Variants in AFAP1 observed in about 807,000 individuals in gnomAD.
The protein encoded by AFAP1 is actin filament associated protein 1, also known as actin filament-associated protein 1.
Under a neutral mutation model 93.9 loss-of-function variants are expected in AFAP1, and 75 were observed. The ratio of observed to expected loss-of-function variants is 0.80; its 90% CI spans 0.66 to 0.97. The LOEUF is 0.97. AFAP1 is among the 50% of genes least tolerant of loss of function. AFAP1 has a pLI of 0.00. For synonymous variants in AFAP1, 517 were observed against 430.7 expected, an observed-to-expected ratio of 1.20 and a Z score of -2.48; for missense variants, 1,201 against 1,050.8, an observed-to-expected ratio of 1.14 and a Z score of -1.98.
At chr4:7,786,783 G>C (rs16841248) in intron 11 of AFAP1, among the ~76,000 whole-genome samples, 6,003 of 152,316 alleles carry the variant, frequency 0.039, 409 homozygotes, top group African/African-American at 0.14. Context: ...TCTTTCACAA[G>C]TGTGTTACTT....
chr4:7,778,919 G>C, intron 13 of AFAP1, 43 bp from the exon 14 acceptor site: 1 of 1,389,712 alleles, frequency 7.2e-7, no homozygotes, highest in Non-Finnish European at 9.9e-7. Flanking sequence ...TAAACACAAA[G>C]TCAAACAAAT....
At chr4:7,764,994 T>TCG (rs1385802952) in intron 17 of AFAP1, among the ~76,000 whole-genome samples, 14 of 152,154 alleles carry the variant, frequency 9.2e-5, no homozygotes. Context: ...TAGTCCCAGC[T>TCG]ACTCGGTAGG....
At chr4:7,868,079 C>T (rs1377578787) in intron 3 of AFAP1, among the ~76,000 whole-genome samples, 2 of 150,178 alleles carry the variant, frequency 1.3e-5, no homozygotes, top group Non-Finnish European at 3.0e-5. Flanking sequence ...ATGAGGGAAT[C>T]GCCAGATTAA....
chr4:7,846,644 C>T (rs1464930010), intron 4 of AFAP1, among the ~76,000 whole-genome samples: 1 of 152,290 alleles, frequency 6.6e-6, no homozygotes, highest in Middle Eastern at 3.4e-3. Flanking sequence ...ACTCATTCCA[C>T]AAATATGTTG....
chr4:7,810,535 GC>G (rs1481558630), intron 8 of AFAP1, among the ~76,000 whole-genome samples: 1 of 152,176 alleles, frequency 6.6e-6, no homozygotes, highest in East Asian at 1.9e-4. Flanking sequence ...TTCCTCAGGA[GC>G]CCCTCGGCCA....
intron 8 of AFAP1, among the ~76,000 whole-genome samples, chr4:7,813,035 C>T (rs766841563): frequency 7.2e-5 from 11 of 152,148 alleles, no homozygotes; most frequent in Non-Finnish European, 1.5e-4. Flanking sequence ...GGAGGGATTC[C>T]GCCTTGAGAG....
At chr4:7,872,527 T>A (rs1457503338) in intron 1 of AFAP1, among the ~76,000 whole-genome samples, 2 of 152,252 alleles carry the variant, frequency 1.3e-5, no homozygotes, top group East Asian at 1.9e-4. Flanking sequence ...CCAGGACAAC[T>A]GTGAGCATGT....
At chr4:7,839,331 C>G (rs1359349615) in intron 5 of AFAP1, among the ~76,000 whole-genome samples, 2 of 150,682 alleles carry the variant, frequency 1.3e-5, no homozygotes, top group Non-Finnish European at 2.9e-5. Flanking sequence ...GACTCTGTCT[C>G]CAACTAACAA....
At chr4:7,899,504 CA>C (rs1327015871) in intron 1 of AFAP1, among the ~76,000 whole-genome samples, 1 of 152,222 alleles carries the variant, frequency 6.6e-6, no homozygotes, top group Admixed American at 6.5e-5. Context: ...AGGCAGACCT[CA>C]AAAACTTCTT....
At chr4:7,873,831 C>G (rs1467964923) in intron 1 of AFAP1, among the ~76,000 whole-genome samples, 4 of 152,170 alleles carry the variant, frequency 2.6e-5, no homozygotes, top group Non-Finnish European at 1.5e-5. Flanking sequence ...GACAGGCAAA[C>G]TGCAATGACT....
At chr4:7,896,183 G>A (rs930340095) in intron 1 of AFAP1, among the ~76,000 whole-genome samples, 3 of 152,044 alleles carry the variant, frequency 2.0e-5, no homozygotes, top group South Asian at 4.2e-4. Context: ...TAATCCAAAT[G>A]GTCCAATTTC....
intron 4 of AFAP1, among the ~76,000 whole-genome samples, chr4:7,853,678 A>G (rs73088582): frequency 0.071 from 10,860 of 152,214 alleles, 735 homozygotes; most frequent in African/African-American, 0.18. Context: ...CTTCTCCGAT[A>G]AGACCATAAC....
At chr4:7,870,024 A>G (rs577759947) in intron 2 of AFAP1, among the ~76,000 whole-genome samples, 154 of 152,340 alleles carry the variant, frequency 1.0e-3, no homozygotes, top group Non-Finnish European at 1.7e-3. Flanking sequence ...GCAAGTGGTC[A>G]TCAATACCTG....
chr4:7,918,086 T>C (rs1192371309), intron 1 of AFAP1, among the ~76,000 whole-genome samples: 1 of 152,242 alleles, frequency 6.6e-6, no homozygotes, highest in East Asian at 1.9e-4. Context: ...GGAAATGTTT[T>C]GCTTGCTGTG....
intron 11 of AFAP1, among the ~76,000 whole-genome samples, chr4:7,787,940 G>T (rs953456784): frequency 6.7e-6 from 1 of 150,362 alleles, no homozygotes; most frequent in African/African-American, 2.5e-5. Context: ...TCGCACCCAG[G>T]TCTCCGCGTG....
At chr4:7,922,983 G>C (rs1720518710) in intron 1 of AFAP1, among the ~76,000 whole-genome samples, 1 of 152,020 alleles carries the variant, frequency 6.6e-6, no homozygotes, top group Non-Finnish European at 1.5e-5. Context: ...AACAGAGCAA[G>C]GACATGTCTC....
intron 1 of AFAP1, among the ~76,000 whole-genome samples, chr4:7,890,695 T>C (rs985857522): frequency 1.6e-4 from 24 of 152,278 alleles, no homozygotes; most frequent in South Asian, 8.3e-4. Context: ...AAAAATATGC[T>C]AATATCATGA....
At chr4:7,788,579 T>A (rs530154903) in intron 11 of AFAP1, 1 of 152,254 alleles carries the variant, frequency 6.6e-6, no homozygotes, top group East Asian at 1.9e-4. Context: ...GAAAATAAAA[T>A]GAAGAAGAAA....
chr4:7,895,987 A>G (rs1039640672), intron 1 of AFAP1, among the ~76,000 whole-genome samples: 10 of 150,538 alleles, frequency 6.6e-5, no homozygotes, highest in African/African-American at 2.4e-4. Context: ...CAGCCTCCTG[A>G]GCAGCTGGTA....
Sources: allele counts gnomAD v4.1 joint callset (sites outside exome capture counted in the v4.1 genomes callset), GRCh38; gene constraint gnomAD v4.1.1; transcripts MANE v1.5; gene names NCBI Gene and HGNC (gene_info 2026-07-23, HGNC 2026-07-21).